FRMD3: variants seen among roughly 807,000 people sequenced by gnomAD.
The protein encoded by FRMD3 is FERM domain-containing protein 3.
Under a neutral mutation model 70.2 loss-of-function variants are expected in FRMD3, and 33 were observed. The observed-to-expected ratio is 0.47, with a 90% CI of 0.36 to 0.63. The LOEUF (loss-of-function observed/expected upper bound fraction) is 0.63. Among genes scored for constraint, FRMD3 ranks in the 20% least tolerant of loss-of-function variants. The pLI, the probability that FRMD3 is intolerant of heterozygous loss-of-function variation, is 0.00. For synonymous variants in FRMD3, 279 were observed against 255.9 expected (o/e 1.09, Z -0.86); for missense variants, 632 against 711.4 (o/e 0.89, Z 1.27).
chr9:83,349,794 C>T (rs760515304), intron 3 of FRMD3, 37 bp from the exon 4 acceptor site: 4 of 1,509,452 alleles, frequency 2.6e-6, no homozygotes, highest in East Asian at 4.5e-5. Context: ...AGAAAAGCAG[C>T]AAAAGACCAT....
intron 3 of FRMD3, among the ~76,000 whole-genome samples, chr9:83,362,973 TCC>T (rs1824656573): frequency 6.7e-6 from 1 of 149,796 alleles, no homozygotes; most frequent in Non-Finnish European, 1.5e-5. Flanking sequence ...CTTCCTTTCC[TCC>T]CTCCTTCCTT....
Position 83,296,001 on chromosome 9 carries a change from G to A in FRMD3, c.1070+2747C>T, listed in dbSNP as rs117685434. On this transcript the variant is annotated intron_variant, in intron 12 of 13. Transcript: ENST00000304195. ...CACACACACCTCAGCAGATGTAGGA[G>A]TCTGTGAACTTGGCATTATTTGAAG... is the stretch of plus-strand genomic sequence containing the variant. Among the ~76,000 whole-genome samples the A allele has an allele frequency of 2.5e-3, 375 of 152,346 alleles. 17 individuals carry two copies. In the East Asian group the frequency reaches 0.06, roughly 24 times the overall value.
intron 2 of FRMD3, among the ~76,000 whole-genome samples, chr9:83,385,224 T>C (rs1322947118): frequency 6.6e-6 from 1 of 152,168 alleles, no homozygotes; most frequent in Non-Finnish European, 1.5e-5. Context: ...AAGTACTACC[T>C]TCTTCTAGAA....
intron 12 of FRMD3, among the ~76,000 whole-genome samples, chr9:83,291,102 A>T (rs1375545571): frequency 6.6e-6 from 1 of 152,240 alleles, no homozygotes; most frequent in Non-Finnish European, 1.5e-5. Flanking sequence ...GGCATGGCTC[A>T]GAGAAATTTA....
the FRMD3 span, among the ~76,000 whole-genome samples, chr9:83,572,587 A>G: frequency 6.6e-6 from 1 of 152,192 alleles, no homozygotes; most frequent in Non-Finnish European, 1.5e-5. Context: ...GAGAAGGGAG[A>G]GTAAATAGAT....
At chr9:83,482,144 C>T (rs1012932684) in intron 1 of FRMD3, among the ~76,000 whole-genome samples, 3 of 152,192 alleles carry the variant, frequency 2.0e-5, no homozygotes, top group African/African-American at 7.2e-5. Context: ...ACCAACAAGG[C>T]TTGTGCACAA....
intron 1 of FRMD3, among the ~76,000 whole-genome samples, chr9:83,420,386 C>T: frequency 6.6e-6 from 1 of 152,214 alleles, no homozygotes; most frequent in East Asian, 1.9e-4. Context: ...CAGTTATACT[C>T]ATACCTCCTA....
intron 1 of FRMD3, among the ~76,000 whole-genome samples, chr9:83,415,429 G>A (rs1006922367): frequency 2.7e-5 from 4 of 150,230 alleles, no homozygotes; most frequent in South Asian, 2.1e-4. Context: ...TCCTGAGACC[G>A]AGAAAGGAAA....
intron 13 of FRMD3, among the ~76,000 whole-genome samples, chr9:83,260,720 C>A (rs2118686383): frequency 6.6e-6 from 1 of 152,234 alleles, no homozygotes; most frequent in East Asian, 1.9e-4. Context: ...ATAAAATAAA[C>A]TTTATTACTA....
At position 83,364,545 on chromosome 9, in the gene FRMD3, A is replaced by AC. The variant is rs1348213642; in HGVS notation, c.295+8367dup. ...CACGCCAGCCTGGTGACAGAGCAAG[A>AC]CCCCATCTCCAAAAAAAAAAAAAAA... is the stretch of plus-strand genomic sequence containing the variant. On this transcript the variant is annotated intron_variant, in intron 3 of 13. Transcript: ENST00000304195. 1.1e-4 allele frequency among the ~76,000 whole-genome samples: 17 copies of AC among 149,040 alleles called. No individual in the cohort carries two copies. The Admixed American group carries it at 1.1e-3, about 10-fold the overall frequency.
intron 1 of FRMD3, among the ~76,000 whole-genome samples, chr9:83,419,563 G>A (rs942234474): frequency 5.3e-5 from 8 of 151,530 alleles, no homozygotes; most frequent in East Asian, 1.9e-4. Context: ...GTGTGTTCAC[G>A]TGTGTTGAAT....
the FRMD3 span, among the ~76,000 whole-genome samples, chr9:83,575,306 G>C: frequency 6.6e-6 from 1 of 152,136 alleles, no homozygotes; most frequent in African/African-American, 2.4e-5. Context: ...TCAAACCTCT[G>C]CCTCCCATAT....
rs897028441 is a variant in FRMD3, at chr9:83,448,424, C to T, written c.148-58716G>A. ...CCACTGCTGAGGTTGAATATAGTTCCGTGGCAGCAGAGCCTAACCCAGCAG... is the reference window on the plus strand; with the variant it reads ...CCACTGCTGAGGTTGAATATAGTTCTGTGGCAGCAGAGCCTAACCCAGCAG... On this transcript the variant is annotated intron_variant, in intron 1 of 13. Coordinates refer to ENST00000304195, the MANE Select transcript of FRMD3 (RefSeq NM_174938.6). Among the ~76,000 whole-genome samples, 3 of 152,206 alleles carry T rather than the reference C, an allele frequency of 2.0e-5. No individual in the cohort carries two copies. In the East Asian group the frequency reaches 5.8e-4, roughly 29 times the overall value.
intron 12 of FRMD3, 144 bp from the exon 13 acceptor site, chr9:83,290,871 G>A (rs942281): frequency 0.93 from 728,886 of 784,892 alleles, 340,123 homozygotes; most frequent in East Asian, 1. Flanking sequence ...TAAAGATGAC[G>A]TAACATTCAA....
chr9:83,551,982 CT>C, the FRMD3 span, among the ~76,000 whole-genome samples: 1 of 150,252 alleles, frequency 6.7e-6, no homozygotes, highest in East Asian at 1.9e-4. Flanking sequence ...CAGCTAAGCT[CT>C]GATTTTTGTT....
At chr9:83,399,455 C>T (rs539586642) in intron 1 of FRMD3, among the ~76,000 whole-genome samples, 1 of 151,464 alleles carries the variant, frequency 6.6e-6, no homozygotes, top group African/African-American at 2.4e-5. Flanking sequence ...GCAGTTTTTG[C>T]CACAGCCTGT....
intron 1 of FRMD3, among the ~76,000 whole-genome samples, chr9:83,418,582 C>A (rs1193528540): frequency 6.6e-6 from 1 of 152,104 alleles, no homozygotes; most frequent in East Asian, 1.9e-4. Flanking sequence ...TCAGATACCA[C>A]TACCTTACTC....
rs746076882 is a variant in FRMD3, at chr9:83,311,935, G to A, written c.725C>T (p.Ala242Val). ...GTTTFLGFTA[A>V]GFVVFQGNKR... ...ATTTCCCTGAAAGACCACAAAGCCT[G>A]CAGCTGTGAATCCTAAAAATGTTGT... The change falls in exon 8 of 14, where the codon GCA (alanine) becomes GTA (valine). Residue 242 changes from alanine to valine, a missense_variant. Ala to Val is a moderately conservative substitution (Grantham distance 64). Around this residue, in one of 3 missense-constraint regions of FRMD3, gnomAD observed 418 missense variants for 442.1 expected, o/e 0.95. Transcript: ENST00000304195. The A allele has an allele frequency of 7.5e-6, 12 of 1,609,810 alleles. No homozygotes were observed. The Admixed American group carries it at 8.4e-5, about 11-fold the overall frequency.
intron 1 of FRMD3, among the ~76,000 whole-genome samples, chr9:83,514,006 GC>G (rs1212295451): frequency 6.6e-6 from 1 of 152,148 alleles, no homozygotes; most frequent in Non-Finnish European, 1.5e-5. Context: ...CACCACAAGG[GC>G]CCTGGGTTTC....
Sources: gnomAD v4.1 joint callset for allele counts (sites outside exome capture counted in the v4.1 genomes callset) on GRCh38, gnomAD v4.1.1 for gene constraint, gnomAD v4.1.1 regional missense constraint, MANE v1.5 for transcripts, NCBI Gene and HGNC (gene_info 2026-07-23, HGNC 2026-07-21) for gene names.